The following ADARB1 variants were observed in gnomAD, a reference collection of about 807,000 sequenced individuals.
ADARB1 encodes double-stranded RNA-specific editase 1.
A neutral mutation model predicts 52.4 loss-of-function variants in ADARB1; 10 were observed. The observed-to-expected ratio is 0.19, with a 90% CI of 0.12 to 0.32. The LOEUF (loss-of-function observed/expected upper bound fraction) is 0.32. Ranked by LOEUF, ADARB1 falls within the 10% of genes least tolerant of loss-of-function variation. The probability of loss-of-function intolerance (pLI) is 1.00; values close to 1 mark genes in which losing one functional copy is unlikely to be tolerated. For synonymous variants in ADARB1, 349 were observed against 371.1 expected (o/e 0.94, Z 0.68); for missense variants, 643 against 922.3 (o/e 0.70, Z 3.92).
At chr21:45,141,552 C>T (rs192203448) in intron 2 of ADARB1, among the ~76,000 whole-genome samples, 2 of 152,268 alleles carry the variant, frequency 1.3e-5, no homozygotes, top group African/African-American at 4.8e-5. Context: ...AGCTGTCCTT[C>T]AAGGGTGATA....
intron 1 of ADARB1, among the ~76,000 whole-genome samples, chr21:45,080,629 T>TA (rs1382289618): frequency 2.6e-5 from 4 of 152,262 alleles, no homozygotes; most frequent in African/African-American, 9.6e-5. Flanking sequence ...GGGGCGTACT[T>TA]ACGGAAAGAT....
intron 1 of ADARB1, among the ~76,000 whole-genome samples, chr21:45,087,885 C>T (rs1187333010): frequency 1.3e-5 from 2 of 152,056 alleles, no homozygotes; most frequent in African/African-American, 4.8e-5. Flanking sequence ...GAGAACTGTA[C>T]AAAATAGTAG....
intron 2 of ADARB1, among the ~76,000 whole-genome samples, chr21:45,161,400 C>T (rs917417533): frequency 6.6e-6 from 1 of 152,232 alleles, no homozygotes; most frequent in African/African-American, 2.4e-5. Flanking sequence ...CCAGCACCTG[C>T]TCCAGTTTCA....
intron 1 of ADARB1, among the ~76,000 whole-genome samples, chr21:45,120,562 T>G (rs1445709146): frequency 1.3e-5 from 2 of 152,112 alleles, no homozygotes; most frequent in Non-Finnish European, 2.9e-5. Context: ...CCCTTTTGCC[T>G]TCTTTGGTTC....
Position 45,176,917 on chromosome 21 carries a change from G to T in ADARB1, c.963+253G>T. On this transcript the variant is annotated intron_variant, in intron 4 of 10. Transcript: ENST00000348831. This position sits in a 1 kb window ranked among gnomAD's most constrained non-coding sequence, Gnocchi z 5.8. The stretch of plus-strand genomic sequence containing the variant: ...GACACCTGAGACCCCGTCCACCAGA[G>T]CAGTGTTTACAACACTATCCATAAC... The T allele has an allele frequency of 2.0e-6, 1 of 512,076 alleles. No homozygotes were observed. Among genetic ancestry groups the T allele is most frequent in the East Asian group, 3.4e-5 (1 of 29,200 alleles). 31.7% of individuals were successfully genotyped at this position (512,076 alleles called of 1,614,324 possible).
intron 2 of ADARB1, among the ~76,000 whole-genome samples, chr21:45,156,044 C>G (rs1235714271): frequency 1.3e-4 from 19 of 151,460 alleles, no homozygotes; most frequent in Admixed American, 4.6e-4. Flanking sequence ...TCCACCCACC[C>G]AACCACCCAC....
At position 45,179,562 on chromosome 21, in the gene ADARB1, C is replaced by T. The variant is rs568178292; in HGVS notation, c.964-768C>T. Among the ~76,000 whole-genome samples the T allele has an allele frequency of 3.3e-5, 5 of 152,340 alleles. No individual in the cohort carries two copies. The East Asian group carries it at 9.6e-4, about 29-fold the overall frequency. ...GACCATGTCCAAAATCCAACAAATA[C>T]ATCTGTTCTCAGAAGCACTTTAATA... On this transcript the variant is annotated intron_variant, in intron 4 of 10. Coordinates refer to ENST00000348831, the MANE Select transcript of ADARB1 (RefSeq NM_001112.4).
intron 1 of ADARB1, among the ~76,000 whole-genome samples, chr21:45,101,279 C>T (rs1464652863): frequency 2.0e-5 from 3 of 152,138 alleles, no homozygotes; most frequent in Non-Finnish European, 2.9e-5. Flanking sequence ...GCTCGCTGTG[C>T]CCTGCGCGCG....
At chr21:45,088,313 G>A (rs1346856516) in intron 1 of ADARB1, among the ~76,000 whole-genome samples, 2 of 152,226 alleles carry the variant, frequency 1.3e-5, no homozygotes, top group Non-Finnish European at 2.9e-5. Context: ...CTCTGATGAT[G>A]CTGGAAATAA....
intron 1 of ADARB1, among the ~76,000 whole-genome samples, chr21:45,102,977 T>C (rs2087089877): frequency 6.6e-6 from 1 of 152,184 alleles, no homozygotes; most frequent in African/African-American, 2.4e-5. Context: ...GTGTGCCTGA[T>C]ACAGTGGAGT....
At position 45,134,496 on chromosome 21, in the gene ADARB1, C is replaced by T. The variant is rs1239177798; in HGVS notation, c.-48+5923C>T. 2.7e-5 allele frequency among the ~76,000 whole-genome samples: 4 copies of T among 149,808 alleles called. 1 individual carries two copies. The highest frequency in any genetic ancestry group is 2.0e-4 in the Admixed American group (3 of 15,092). ...AGCGCCCGGCAGGGGTACGTACACT[C>T]GGGGTGTGTGTGCCTGACGTGTGTG... On this transcript the variant is annotated intron_variant, in intron 2 of 10. Coordinates refer to ENST00000348831, the MANE Select transcript of ADARB1 (RefSeq NM_001112.4).
At position 45,157,162 on chromosome 21, in the gene ADARB1, A is replaced by G. The variant is rs146700653; in HGVS notation, c.-47-14448A>G. Among the ~76,000 whole-genome samples the G allele has an allele frequency of 6.2e-4, 94 of 152,364 alleles. No homozygotes were observed. Among genetic ancestry groups the G allele is most frequent in the African/African-American group, 2.1e-3 (86 of 41,588 alleles). On this transcript the variant is annotated intron_variant, in intron 2 of 10. Transcript: ENST00000348831. The surrounding 1 kb of genome is among the most constrained non-coding windows in gnomAD (Gnocchi z 4.1). The stretch of plus-strand genomic sequence containing the variant: ...GCCTGGGCAGGAGCTCCTCTCAGCT[A>G]CAGGGTGCATTTCAAGCACAGGTGC...
chr21:45,144,478 G>A (rs1246143536), intron 2 of ADARB1, among the ~76,000 whole-genome samples: 2 of 152,190 alleles, frequency 1.3e-5, no homozygotes, highest in African/African-American at 4.8e-5. Context: ...GAAAAAAAGA[G>A]CTTTAAGGTA....
chr21:45,175,865 T>C lies in ADARB1; in HGVS notation c.164T>C (p.Leu55Pro). The change falls in exon 4 of 11, where the codon CTG becomes CCG. Residue 55 changes from leucine (L) to proline (P), a missense_variant. By Grantham distance (98) the Leu-to-Pro change is moderately conservative. Transcript: ENST00000348831. ...GGTGGCCCCGGCAGAAAGCGGCCCC[T>C]GGAGGAGGGCAGCAATGGCCACTCC... ...GGGGPGRKRPLEEGSNGHSKY... is the reference protein window; with the variant it reads ...GGGGPGRKRPPEEGSNGHSKY... The C allele has an allele frequency of 6.2e-7, 1 of 1,613,638 alleles. No homozygotes were observed. The highest frequency in any genetic ancestry group is 1.1e-5 in the South Asian group (1 of 91,008).
chr21:45,140,758 T>C (rs571837278), intron 2 of ADARB1, among the ~76,000 whole-genome samples: 28 of 152,332 alleles, frequency 1.8e-4, no homozygotes, highest in African/African-American at 6.7e-4. Context: ...GGAATACTTA[T>C]AGCTGGTTTA....
At chr21:45,203,251 C>A (rs961035372) in intron 8 of ADARB1, among the ~76,000 whole-genome samples, 1 of 152,232 alleles carries the variant, frequency 6.6e-6, no homozygotes, top group African/African-American at 2.4e-5. Flanking sequence ...CCCTGCCCCC[C>A]AGGCTGGGAC....
At chr21:45,188,700 A>G (rs2092191649) in intron 8 of ADARB1, among the ~76,000 whole-genome samples, 1 of 152,110 alleles carries the variant, frequency 6.6e-6, no homozygotes, top group South Asian at 2.1e-4. Flanking sequence ...CTGATAGGGA[A>G]GACTTACTGT....
chr21:45,117,212 A>C (rs1601417293), intron 1 of ADARB1, among the ~76,000 whole-genome samples: 1 of 152,182 alleles, frequency 6.6e-6, no homozygotes, highest in Non-Finnish European at 1.5e-5. Flanking sequence ...CTCCTTCTCC[A>C]GGGAGACCTA....
chr21:45,126,166 G>A (rs1288207012), intron 1 of ADARB1, among the ~76,000 whole-genome samples: 2 of 152,174 alleles, frequency 1.3e-5, no homozygotes, highest in Non-Finnish European at 2.9e-5. Context: ...ATGGTATTAC[G>A]ATCAGAGGAT....
Sources: gnomAD v4.1 joint callset for allele counts (sites outside exome capture counted in the v4.1 genomes callset) on GRCh38, gnomAD v4.1.1 for gene constraint, Gnocchi (gnomAD v3.1) non-coding constraint, MANE v1.5 for transcripts, NCBI Gene and HGNC (gene_info 2026-07-23, HGNC 2026-07-21) for gene names.